Variants in NCALD observed in about 807,000 individuals in gnomAD.
NCALD encodes neurocalcin delta.
Under a neutral mutation model 18.6 loss-of-function variants are expected in NCALD, and 10 were observed. The ratio of observed to expected loss-of-function variants is 0.54; its 90% CI spans 0.33 to 0.91. The LOEUF (loss-of-function observed/expected upper bound fraction) is 0.91, where lower values mean the gene tolerates loss of function less well. Among genes scored for constraint, NCALD ranks in the 40% least tolerant of loss-of-function variants. The probability of loss-of-function intolerance (pLI) is 0.03; values close to 1 mark genes in which losing one functional copy is unlikely to be tolerated. For synonymous variants in NCALD, 88 were observed against 87.4 expected (o/e 1.01, Z -0.04); for missense variants, 184 against 247.6 (o/e 0.74, Z 1.72).
intron 1 of NCALD, among the ~76,000 whole-genome samples, chr8:102,073,044 A>G (rs1824228846): frequency 6.6e-6 from 1 of 152,232 alleles, no homozygotes; most frequent in Non-Finnish European, 1.5e-5. Context: ...ATGTAGAAAG[A>G]TATTTTCCAC....
chr8:101,974,017 C>T (rs776245349), intron 2 of NCALD, among the ~76,000 whole-genome samples: 1 of 152,152 alleles, frequency 6.6e-6, no homozygotes, highest in African/African-American at 2.4e-5. Context: ...TTGTTCCATT[C>T]TTTCATCAGT....
chr8:101,962,862 T>C (rs1819883668), intron 2 of NCALD, among the ~76,000 whole-genome samples: 1 of 152,218 alleles, frequency 6.6e-6, no homozygotes. Flanking sequence ...TTTGGGCTTA[T>C]AATTTATTTT....
chr8:101,872,215 C>G (rs900841845), intron 4 of NCALD: 134 of 1,514,190 alleles, frequency 8.8e-5, no homozygotes, highest in Non-Finnish European at 1.1e-4. Context: ...GACCCACAAG[C>G]CCTCACTGGC....
At chr8:101,930,227 G>A (rs1433728776) in intron 2 of NCALD, among the ~76,000 whole-genome samples, 1 of 151,990 alleles carries the variant, frequency 6.6e-6, no homozygotes, top group East Asian at 1.9e-4. Context: ...CCAGATGCAT[G>A]TATACATGGA....
At chr8:101,785,396 C>A (rs538805602) in intron 1 of NCALD, among the ~76,000 whole-genome samples, 7 of 152,216 alleles carry the variant, frequency 4.6e-5, no homozygotes, top group African/African-American at 1.4e-4. Context: ...AAGAGGGATG[C>A]CCTAATATTA....
intron 2 of NCALD, among the ~76,000 whole-genome samples, chr8:101,948,577 C>A (rs1819269431): frequency 6.6e-6 from 1 of 152,094 alleles, no homozygotes; most frequent in Admixed American, 6.5e-5. Context: ...TGATTAAAAC[C>A]ATGGATAAGT....
intron 2 of NCALD, among the ~76,000 whole-genome samples, chr8:101,698,830 G>C (rs536723546): frequency 4.5e-4 from 69 of 152,182 alleles, no homozygotes; most frequent in South Asian, 1.0e-3. Context: ...AAAAACCCTA[G>C]AAGAAAACCT....
intron 1 of NCALD, among the ~76,000 whole-genome samples, chr8:102,055,611 T>C (rs1823624426): frequency 6.6e-6 from 1 of 152,228 alleles, no homozygotes; most frequent in Non-Finnish European, 1.5e-5. Context: ...GCCAGTTCTG[T>C]TGAATAGTCC....
intron 1 of NCALD, among the ~76,000 whole-genome samples, chr8:101,785,303 TAGA>T (rs1250501015): frequency 1.3e-5 from 2 of 152,182 alleles, no homozygotes; most frequent in Non-Finnish European, 2.9e-5. Context: ...CTACCAGAAG[TAGA>T]AGATTAATAA....
rs1029124573 is a variant in NCALD at position 102,075,005 on chromosome 8, A to G, written c.-210+49232T>C. On this transcript the variant is annotated intron_variant, in intron 1 of 6. Coordinates refer to the NCALD transcript ENST00000311028. ...CTACACCTCCATGCATCACAGCTGC[A>G]TCCCAGGCAAAAGGAAGGAGGAAGG... Among the ~76,000 whole-genome samples, 29 of 152,168 alleles carry G rather than the reference A, an allele frequency of 1.9e-4. 1 individual carries two copies. The highest frequency in any genetic ancestry group is 6.8e-4 in the African/African-American group (28 of 41,436).
chr8:101,815,256 T>A (rs1813449251), intron 4 of NCALD, among the ~76,000 whole-genome samples: 1 of 152,038 alleles, frequency 6.6e-6, no homozygotes. Flanking sequence ...GTGGTACTGG[T>A]GAAAGTGGAC....
chr8:101,876,513 C>T (rs1004670872), intron 4 of NCALD, among the ~76,000 whole-genome samples: 14 of 152,132 alleles, frequency 9.2e-5, no homozygotes, highest in Non-Finnish European at 1.6e-4. Flanking sequence ...TTGTAGGCAT[C>T]CTTTACTACT....
intron 2 of NCALD, among the ~76,000 whole-genome samples, chr8:101,993,641 T>C (rs1821133571): frequency 6.6e-6 from 1 of 152,222 alleles, no homozygotes; most frequent in East Asian, 1.9e-4. Context: ...TTGGTCCTCC[T>C]ACTACTGCCT....
intron 3 of NCALD, among the ~76,000 whole-genome samples, chr8:101,897,218 G>T (rs2131546624): frequency 1.4e-5 from 2 of 144,398 alleles, no homozygotes; most frequent in Admixed American, 1.4e-4. Context: ...CCTTTGCAGG[G>T]ACATGGATGA....
intron 1 of NCALD, among the ~76,000 whole-genome samples, chr8:102,089,423 G>T (rs1313294896): frequency 6.6e-6 from 1 of 151,260 alleles, no homozygotes; most frequent in African/African-American, 2.4e-5. Context: ...AAGAAAAAAA[G>T]AAAAGAAACT....
In NCALD at chr8:101,687,465, T is replaced by G. The variant is rs1046425856; in HGVS notation, c.*1844A>C. ...ACCCCTGGAGGAAGACTAGGATTAT[T>G]TTTACAGAGTCTAGGTCTCAAAATT... On this transcript the variant is annotated 3_prime_UTR_variant, in exon 4 of 4. Transcript: ENST00000220931. 1.3e-5 allele frequency: 2 copies of G among 152,638 alleles called. No individual in the cohort carries two copies. The highest frequency in any genetic ancestry group is 4.8e-5 in the African/African-American group (2 of 41,442). 9.5% of individuals were successfully genotyped at this position (152,638 alleles called of 1,614,324 possible).
chr8:101,781,191 T>C (rs1811998985), intron 1 of NCALD, among the ~76,000 whole-genome samples: 1 of 152,056 alleles, frequency 6.6e-6, no homozygotes, highest in African/African-American at 2.4e-5. Flanking sequence ...AAAATATATA[T>C]ATATACCCTG....
intron 4 of NCALD, among the ~76,000 whole-genome samples, chr8:101,819,603 C>T (rs1394592570): frequency 1.3e-5 from 2 of 152,192 alleles, no homozygotes; most frequent in East Asian, 3.9e-4. Flanking sequence ...CTCTTCCCAC[C>T]CCTTGGGTTT....
chr8:101,708,957 C>T (rs1324212787), intron 2 of NCALD, among the ~76,000 whole-genome samples: 1 of 152,126 alleles, frequency 6.6e-6, no homozygotes, highest in Non-Finnish European at 1.5e-5. Context: ...TATCAATCTG[C>T]TTTGTCCAAG....
Sources: gnomAD v4.1 joint callset for allele counts (sites outside exome capture counted in the v4.1 genomes callset) on GRCh38, gnomAD v4.1.1 for gene constraint, MANE v1.5 for transcripts, NCBI Gene and HGNC (gene_info 2026-07-23, HGNC 2026-07-21) for gene names.